The following RABGEF1 variants were observed in gnomAD, a reference collection of about 807,000 sequenced individuals.
RABGEF1 encodes rab5 GDP/GTP exchange factor.
A neutral mutation model predicts 57.3 loss-of-function variants in RABGEF1; 26 were observed. That is an observed-to-expected ratio of 0.45 (90% confidence interval 0.33 to 0.63). The LOEUF (loss-of-function observed/expected upper bound fraction) is 0.63. Ranked by LOEUF, RABGEF1 falls within the 20% of genes least tolerant of loss-of-function variation. The pLI is 0.02. For missense variants in RABGEF1, 464 were observed against 607.6 expected, an observed-to-expected ratio of 0.76 and a Z score of 2.48; for synonymous variants, 185 against 210.7, an observed-to-expected ratio of 0.88 and a Z score of 1.06.
intron 1 of RABGEF1, among the ~76,000 whole-genome samples, chr7:66,697,728 G>A (rs1261770703): frequency 6.6e-6 from 1 of 152,164 alleles, no homozygotes; most frequent in Non-Finnish European, 1.5e-5. Context: ...GAGGTGGGGG[G>A]TGTTCATGTT....
At chr7:66,678,424 G>C (rs1454590263), upstream of RABGEF1, among the ~76,000 whole-genome samples, 2 of 151,864 alleles carry the variant, frequency 1.3e-5, no homozygotes, top group Non-Finnish European at 2.9e-5. Context: ...AATTAGCCGG[G>C]CGTGGTGGCA....
the RABGEF1 span, among the ~76,000 whole-genome samples, chr7:66,670,517 G>C: frequency 6.8e-6 from 1 of 146,476 alleles, no homozygotes; most frequent in Non-Finnish European, 1.5e-5. Flanking sequence ...CACACTGGCT[G>C]GATGAAATTG....
chr7:66,758,325 C>T (rs1803296980), intron 1 of RABGEF1, among the ~76,000 whole-genome samples: 1 of 152,194 alleles, frequency 6.6e-6, no homozygotes, highest in Non-Finnish European at 1.5e-5. Flanking sequence ...TTTAGGGTAC[C>T]TGGACCTAGA....
At chr7:66,747,343 C>T (rs936775121) in intron 1 of RABGEF1, among the ~76,000 whole-genome samples, 2 of 152,152 alleles carry the variant, frequency 1.3e-5, no homozygotes, top group Non-Finnish European at 2.9e-5. Context: ...GTTTTGAGGG[C>T]TCTAAATTCT....
chr7:66,756,522 C>G (rs1419656422), intron 1 of RABGEF1, among the ~76,000 whole-genome samples: 1 of 152,110 alleles, frequency 6.6e-6, no homozygotes, highest in Non-Finnish European at 1.5e-5. Context: ...TGTGTTAGTA[C>G]TATTTCTGAA....
rs754952427 is a variant in RABGEF1, at chr7:66,799,309, C to T, written c.729-14C>T. ...TATCCTTGGAGCTCTTGTTTACTGTCTCTCTCTCTTTAGAGCCCTGCGCTG... is the reference window on the plus strand; with the variant it reads ...TATCCTTGGAGCTCTTGTTTACTGTTTCTCTCTCTTTAGAGCCCTGCGCTG... On this transcript the variant is annotated splice_polypyrimidine_tract_variant and intron_variant, in intron 6 of 8. Transcript: ENST00000284957. The T allele has an allele frequency of 2.6e-6, 4 of 1,565,120 alleles. No homozygotes were observed. The highest frequency in any genetic ancestry group is 3.5e-6 in the Non-Finnish European group (4 of 1,136,952).
intron 2 of RABGEF1, among the ~76,000 whole-genome samples, chr7:66,728,908 A>G (rs996214392): frequency 4.4e-5 from 6 of 137,136 alleles, no homozygotes; most frequent in African/African-American, 1.6e-4. Context: ...CTCCACGCTC[A>G]CCTGCATCTT....
intron 1 of RABGEF1, among the ~76,000 whole-genome samples, chr7:66,741,034 C>T (rs561003899): frequency 3.3e-5 from 5 of 152,272 alleles, no homozygotes; most frequent in Middle Eastern, 3.4e-3. Context: ...CTCTCCGTCC[C>T]AGACGCTAGT....
intron 1 of RABGEF1, among the ~76,000 whole-genome samples, chr7:66,760,369 T>C: frequency 6.6e-6 from 1 of 152,182 alleles, no homozygotes. Flanking sequence ...GGTATTCTCT[T>C]GTGTGGTCAT....
intron 1 of RABGEF1, among the ~76,000 whole-genome samples, chr7:66,705,133 G>A (rs1009306360): frequency 5.3e-5 from 8 of 152,106 alleles, no homozygotes; most frequent in Non-Finnish European, 1.2e-4. Context: ...GGGCGCGGTG[G>A]CTCATGCCTG....
upstream of RABGEF1, among the ~76,000 whole-genome samples, chr7:66,738,547 T>C (rs1368965413): frequency 6.6e-6 from 1 of 151,702 alleles, no homozygotes; most frequent in Non-Finnish European, 1.5e-5. Flanking sequence ...CAGGGCGACA[T>C]GGCAAAACCT....
intron 2 of RABGEF1, among the ~76,000 whole-genome samples, chr7:66,773,015 G>A (rs1354051127): frequency 6.6e-6 from 1 of 151,424 alleles, no homozygotes; most frequent in Non-Finnish European, 1.5e-5. Context: ...GAGCATTCTA[G>A]AATTCTAAAA....
At chr7:66,799,927 T>C (rs1026650433) in intron 7 of RABGEF1, among the ~76,000 whole-genome samples, 2 of 152,166 alleles carry the variant, frequency 1.3e-5, no homozygotes, top group Non-Finnish European at 2.9e-5. Flanking sequence ...GTTCCCCAAA[T>C]TGATGTGACA....
At chr7:66,679,176 C>T (rs570422986), upstream of RABGEF1, among the ~76,000 whole-genome samples, 1 of 152,202 alleles carries the variant, frequency 6.6e-6, no homozygotes, top group East Asian at 1.9e-4. Context: ...AGGGTCTTCC[C>T]TCTATCTGTT....
intron 1 of RABGEF1, among the ~76,000 whole-genome samples, chr7:66,705,985 C>G (rs927736619): frequency 5.4e-5 from 8 of 148,002 alleles, no homozygotes; most frequent in Non-Finnish European, 8.9e-5. Flanking sequence ...TCACTGCAAG[C>G]TCCGCTTCCC....
At chr7:66,769,174 A>T (rs1806466036) in intron 1 of RABGEF1, 2 of 152,614 alleles carry the variant, frequency 1.3e-5, no homozygotes, top group Non-Finnish European at 2.9e-5. Flanking sequence ...GTAATCTCTT[A>T]GACAGCTGGG....
chr7:66,694,764 G>A (rs1294669290), intron 1 of RABGEF1, among the ~76,000 whole-genome samples: 1 of 152,046 alleles, frequency 6.6e-6, no homozygotes, highest in African/African-American at 2.4e-5. Flanking sequence ...GAGGGGGAGG[G>A]CGGAGCCTCC....
chr7:66,760,938 G>A (rs1804176017), intron 1 of RABGEF1, among the ~76,000 whole-genome samples: 1 of 152,080 alleles, frequency 6.6e-6, no homozygotes, highest in Non-Finnish European at 1.5e-5. Context: ...CCTGGGGAAG[G>A]GATTTTTGTA....
intron 1 of RABGEF1, among the ~76,000 whole-genome samples, chr7:66,687,113 C>CTTTTTTTTTT (rs71526570): frequency 4.8e-5 from 5 of 103,662 alleles, no homozygotes; most frequent in Non-Finnish European, 5.5e-5. Flanking sequence ...CCACGCCCGG[C>CTTTTTTTTTT]TTTTTTTTTT....
Sources: gnomAD v4.1 joint callset for allele counts (sites outside exome capture counted in the v4.1 genomes callset) on GRCh38, gnomAD v4.1.1 for gene constraint, MANE v1.5 for transcripts, NCBI Gene and HGNC (gene_info 2026-07-23, HGNC 2026-07-21) for gene names.